The following ZNF235 variants were observed in gnomAD, a reference collection of about 807,000 sequenced individuals.
ZNF235 encodes zinc finger protein 235.
In ZNF235, 25 loss-of-function variants were observed where a neutral mutation model predicts 29.4. That is an observed-to-expected ratio of 0.85 (90% confidence interval 0.62 to 1.19). The LOEUF (loss-of-function observed/expected upper bound fraction) is 1.19. Among genes scored for constraint, ZNF235 ranks in the 50% most tolerant of loss-of-function variants. The pLI is 0.00. For missense variants in ZNF235, 788 were observed against 885.0 expected, an observed-to-expected ratio of 0.89 and a Z score of 1.39; for synonymous variants, 300 against 295.3, an observed-to-expected ratio of 1.02 and a Z score of -0.16.
intron 1 of ZNF235, chr19:44,304,658 C>T: frequency 2.1e-6 from 2 of 933,606 alleles, no homozygotes; most frequent in Non-Finnish European, 2.6e-6. Flanking sequence ...TAACCCTTTA[C>T]AGGCACGAGG....
At chr19:44,298,510 C>T (rs1459684594) in intron 4 of ZNF235, among the ~76,000 whole-genome samples, 1 of 152,100 alleles carries the variant, frequency 6.6e-6, no homozygotes, top group African/African-American at 2.4e-5. Flanking sequence ...ATCCCCCCAT[C>T]TCAGCCTCCT....
rs143100878 is a variant in ZNF235, at chr19:44,296,374, A to G, written c.238+2434T>C. Reference sequence around the variant, plus strand: ...ATAGGAAAACAAATAGGTCATCCAAATTATGTGTATGTTGGGGGAAGGGTG... The same window carrying G: ...ATAGGAAAACAAATAGGTCATCCAAGTTATGTGTATGTTGGGGGAAGGGTG... On this transcript the variant is annotated intron_variant, in intron 4 of 4. Coordinates refer to ENST00000291182, the MANE Select transcript of ZNF235 (RefSeq NM_004234.4). Among the ~76,000 whole-genome samples, 301 of 152,324 alleles carry G rather than the reference A, an allele frequency of 2.0e-3. 1 individual carries two copies. The highest frequency in any genetic ancestry group is 6.9e-3 in the African/African-American group (287 of 41,588).
At chr19:44,301,152 G>A (rs1461154119) in intron 2 of ZNF235, among the ~76,000 whole-genome samples, 1 of 151,972 alleles carries the variant, frequency 6.6e-6, no homozygotes, top group Non-Finnish European at 1.5e-5. Flanking sequence ...TTACTATTAA[G>A]AATATTAAGT....
Position 44,303,393 on chromosome 19 carries a change from G to C in ZNF235, c.12C>G (p.Phe4Leu). 1 of 1,611,424 alleles carries C rather than the reference G, an allele frequency of 6.2e-7. No homozygotes were observed. The highest frequency in any genetic ancestry group is 8.5e-7 in the Non-Finnish European group (1 of 1,178,450). The change falls in exon 2 of 5, where the codon TTC (phenylalanine) becomes TTG (leucine). Residue 4 changes from phenylalanine (F) to leucine (L), a missense_variant. Phe to Leu is a conservative substitution (Grantham distance 22, BLOSUM62 0). Transcript: ENST00000291182. The stretch of plus-strand genomic sequence containing the variant: ...CACAAAGGCAAACCAAACTTACCTG[G>C]AACTTGGTCATTTTTCCCCTCCTCC... MTK[F>L]QEAVTFKDVA...
chr19:44,294,986 TG>T (rs1384141614), intron 4 of ZNF235, among the ~76,000 whole-genome samples: 2 of 152,208 alleles, frequency 1.3e-5, no homozygotes, highest in East Asian at 3.9e-4. Flanking sequence ...ACATACTGAA[TG>T]GGGAAAAGCT....
intron 4 of ZNF235, chr19:44,297,204 C>A (rs1352947212): frequency 1.0e-5 from 2 of 193,530 alleles, no homozygotes; most frequent in Non-Finnish European, 2.2e-5. Context: ...ATTCTGCCCC[C>A]ACTCAGCCCC....
intron 4 of ZNF235, among the ~76,000 whole-genome samples, chr19:44,298,292 A>G (rs960068026): frequency 1.3e-5 from 2 of 152,236 alleles, no homozygotes; most frequent in Non-Finnish European, 2.9e-5. Context: ...GGCAAACATT[A>G]TACAGCCTTA....
intron 2 of ZNF235, among the ~76,000 whole-genome samples, chr19:44,301,334 T>C (rs1975733659): frequency 6.6e-6 from 1 of 152,156 alleles, no homozygotes; most frequent in Non-Finnish European, 1.5e-5. Context: ...AACAACTCGA[T>C]GACACATGTG....
At chr19:44,289,775 T>C (rs887831144) in intron 4 of ZNF235, 1 of 152,394 alleles carries the variant, frequency 6.6e-6, no homozygotes, top group South Asian at 2.1e-4. Flanking sequence ...ACCTCTTCTT[T>C]GGCTACAGCA....
rs190127746 is a variant in ZNF235 at position 44,292,378 on chromosome 19, G to A, written c.239-3182C>T. ...AAATTTACCAAAGAGAAAGAGATAGGTATCTTTTTTTTAAAAAGCCAAACA... is the reference window on the plus strand; with the variant it reads ...AAATTTACCAAAGAGAAAGAGATAGATATCTTTTTTTTAAAAAGCCAAACA... On this transcript the variant is annotated intron_variant, in intron 4 of 4. Transcript: ENST00000291182. 2.1e-3 allele frequency among the ~76,000 whole-genome samples: 321 copies of A among 151,614 alleles called. 2 individuals carry two copies. Among genetic ancestry groups the A allele is most frequent in the African/African-American group, 7.3e-3 (301 of 41,422 alleles).
chr19:44,303,119 A>G lies in ZNF235; in HGVS notation c.15+271T>C, dbSNP rs536297853. On this transcript the variant is annotated intron_variant, in intron 2 of 4. Coordinates refer to ENST00000291182, the MANE Select transcript of ZNF235 (RefSeq NM_004234.4). ...AAATATACGTATATTTCTTATAAAT[A>G]TATACATATATATTTGTATATAAAT... 2.0e-3 allele frequency among the ~76,000 whole-genome samples: 283 copies of G among 143,262 alleles called. 1 individual carries two copies. The highest frequency in any genetic ancestry group is 6.8e-3 in the African/African-American group (267 of 39,212). The allele number at this position is 143,262 out of a possible 152,430, so 94.0% of individuals were successfully genotyped here. A position where few individuals can be genotyped will look rare whatever the true frequency, so the allele number is the denominator to read the frequency against.
In ZNF235 at chr19:44,289,095, T is replaced by A. The variant is rs759124974; in HGVS notation, c.340A>T (p.Ser114Cys). 45 of 1,614,168 alleles carry A rather than the reference T, an allele frequency of 2.8e-5. No homozygotes were observed. In the Middle Eastern group the frequency reaches 1.3e-3, roughly 47 times the overall value. ...GAGTCTTGACTTCTGGCTAATTTGC[T>A]CGCAATGTGTCTCTTGATTTGCCAG... ...SCWQIKRHIASKLARSQDSMI... is the reference protein window; with the variant it reads ...SCWQIKRHIACKLARSQDSMI... The change falls in exon 5 of 5, where the codon AGC becomes TGC. Residue 114 changes from serine to cysteine, a missense_variant. Transcript: ENST00000291182.
In ZNF235 at chr19:44,288,051, C is replaced by G; in HGVS notation, c.1384G>C (p.Asp462His). 1 of 1,614,010 alleles carries G rather than the reference C, an allele frequency of 6.2e-7. No homozygotes were observed. The highest frequency in any genetic ancestry group is 2.2e-5 in the East Asian group (1 of 44,860). ...VHTEEKPYKC[D>H]ECGKCFSLSF... ...AAACTAAAGCACTTACCACACTCATCACATTTGTATGGTTTTTCTTCAGTG... is the reference window on the plus strand; with the variant it reads ...AAACTAAAGCACTTACCACACTCATGACATTTGTATGGTTTTTCTTCAGTG... Residue 462 changes from aspartate (D) to histidine (H), a missense_variant, in exon 5 of 5, where the codon GAT becomes CAT. Physicochemically the swap from Asp to His is moderately conservative, Grantham distance 81. Transcript: ENST00000291182.
chr19:44,302,265 T>C (rs1477838335), intron 2 of ZNF235, among the ~76,000 whole-genome samples: 2 of 152,144 alleles, frequency 1.3e-5, no homozygotes, highest in Admixed American at 6.5e-5. Flanking sequence ...AAAACTGCTA[T>C]TGTCAATGTC....
intron 4 of ZNF235, among the ~76,000 whole-genome samples, chr19:44,292,485 A>G (rs1975598017): frequency 6.6e-6 from 1 of 151,714 alleles, no homozygotes; most frequent in Non-Finnish European, 1.5e-5. Context: ...CTAGACAAGC[A>G]GAAGAAAGCA....
At chr19:44,296,673 A>T (rs1975658329) in intron 4 of ZNF235, among the ~76,000 whole-genome samples, 1 of 152,030 alleles carries the variant, frequency 6.6e-6, no homozygotes, top group African/African-American at 2.4e-5. Context: ...TATACAGAAC[A>T]CTCCACCCAA....
chr19:44,294,335 G>T (rs1042064615), intron 4 of ZNF235, among the ~76,000 whole-genome samples: 1 of 152,012 alleles, frequency 6.6e-6, no homozygotes, highest in African/African-American at 2.4e-5. Flanking sequence ...AACCTCCCAA[G>T]ATTGAGCCCA....
intron 4 of ZNF235, 88 bp downstream of exon 4, chr19:44,298,720 C>T (rs1336129475): frequency 2.9e-6 from 3 of 1,017,990 alleles, no homozygotes; most frequent in African/African-American, 3.2e-5. Flanking sequence ...TTAAAAAAGT[C>T]TCTCAGGTAG....
At chr19:44,289,396 GA>G (rs1408208918) in intron 4 of ZNF235, 200 bp from the exon 5 acceptor site, 9 of 543,948 alleles carry the variant, frequency 1.7e-5, no homozygotes, top group Non-Finnish European at 2.5e-5. Context: ...ATTTAAGATA[GA>G]AAATTTGAGA....
Sources: gnomAD v4.1 joint callset for allele counts (sites outside exome capture counted in the v4.1 genomes callset) on GRCh38, gnomAD v4.1.1 for gene constraint, MANE v1.5 for transcripts, NCBI Gene and HGNC (gene_info 2026-07-23, HGNC 2026-07-21) for gene names.